The following TMED10 variants were observed in gnomAD, a reference collection of about 807,000 sequenced individuals.
TMED10 encodes transmembrane emp24 domain-containing protein 10.
In TMED10, 7 loss-of-function variants were observed where a neutral mutation model predicts 23.1. The observed-to-expected ratio is 0.30, with a 90% CI of 0.17 to 0.57. TMED10 has a LOEUF of 0.57. TMED10 is among the 20% of genes least tolerant of loss of function. The probability of loss-of-function intolerance (pLI) is 0.91; values close to 1 mark genes in which losing one functional copy is unlikely to be tolerated. For missense variants in TMED10, 162 were observed against 274.8 expected (o/e 0.59, Z 2.90); for synonymous variants, 113 against 106.9 (o/e 1.06, Z -0.35).
intron 2 of TMED10, 124 bp from the exon 3 acceptor site, chr14:75,147,861 T>A: frequency 1.2e-6 from 1 of 835,782 alleles, no homozygotes. Context: ...CAGCCACAAC[T>A]CCTCCCCCTG....
At chr14:75,172,598 G>A (rs1896248326) in intron 1 of TMED10, among the ~76,000 whole-genome samples, 2 of 152,074 alleles carry the variant, frequency 1.3e-5, no homozygotes, top group Non-Finnish European at 1.5e-5. Context: ...ATGAGCCACC[G>A]CGCCTGGCCA....
At chr14:75,139,602 C>T (rs567029588) in intron 3 of TMED10, among the ~76,000 whole-genome samples, 4 of 148,488 alleles carry the variant, frequency 2.7e-5, no homozygotes, top group African/African-American at 9.9e-5. Context: ...TGCCACTATA[C>T]TCCATCCTGG....
At chr14:75,150,164 T>C (rs1188443612) in intron 2 of TMED10, among the ~76,000 whole-genome samples, 1 of 152,078 alleles carries the variant, frequency 6.6e-6, no homozygotes, top group African/African-American at 2.4e-5. Flanking sequence ...GCAAGAGAAA[T>C]ATAAATAAGA....
chr14:75,136,684 A>C (rs987237892), intron 3 of TMED10: 2 of 152,256 alleles, frequency 1.3e-5, no homozygotes, highest in Non-Finnish European at 2.9e-5. Context: ...TCTGGTTCAT[A>C]TAAATCCTAC....
At chr14:75,164,544 TATATATATATATATATATATATATATATA>T (rs1566675067) in intron 1 of TMED10, among the ~76,000 whole-genome samples, 7 of 6,522 alleles carry the variant, frequency 1.1e-3, no homozygotes, top group African/African-American at 3.5e-3. Context: ...TATATATATA[TATATATATATATATATATATATATATATA>T]TATATTTTTT....
In TMED10 at chr14:75,164,577, A is replaced by ATTTT. The variant is rs60845992; in HGVS notation, c.225+11774_225+11777dup. 1.1e-3 allele frequency among the ~76,000 whole-genome samples: 51 copies of ATTTT among 45,060 alleles called. 1 individual carries two copies. The highest frequency in any genetic ancestry group is 6.1e-3 in the African/African-American group (28 of 4,582). The allele number at this position is 45,060 out of a possible 152,430, so 29.6% of individuals were successfully genotyped here. A position where few individuals can be genotyped will look rare whatever the true frequency, so the allele number is the denominator to read the frequency against. ...TATATATATATATATATATATATAT[A>ATTTT]TTTTTTTTTTTTTTTTTGTATTTTT... On this transcript the variant is annotated intron_variant, in intron 1 of 4. Coordinates refer to ENST00000303575, the MANE Select transcript of TMED10 (RefSeq NM_006827.6).
At chr14:75,164,565 ATATATATATATATTT>A (rs1337755922) in intron 1 of TMED10, among the ~76,000 whole-genome samples, 100 of 2,294 alleles carry the variant, frequency 0.044, no homozygotes, top group Middle Eastern at 0.12. Flanking sequence ...ATATATATAT[ATATATATATATATTT>A]TTTTTTTTTT....
At chr14:75,173,555 T>A (rs79676459) in intron 1 of TMED10, among the ~76,000 whole-genome samples, 296 of 152,242 alleles carry the variant, frequency 1.9e-3, no homozygotes, top group African/African-American at 6.1e-3. Context: ...CTTTTTTTTT[T>A]AAAATACCTG....
chr14:75,160,131 G>A (rs1038886630), intron 1 of TMED10, among the ~76,000 whole-genome samples: 1 of 152,098 alleles, frequency 6.6e-6, no homozygotes, highest in Non-Finnish European at 1.5e-5. Context: ...CTTTCAGGTG[G>A]GGCTCACTCA....
chr14:75,138,677 A>T (rs1895782839), intron 3 of TMED10, among the ~76,000 whole-genome samples: 1 of 152,164 alleles, frequency 6.6e-6, no homozygotes, highest in Admixed American at 6.5e-5. Context: ...TCTTAGAGAT[A>T]AATTATTTAA....
At chr14:75,143,999 A>G (rs1895853580) in intron 3 of TMED10, among the ~76,000 whole-genome samples, 1 of 151,550 alleles carries the variant, frequency 6.6e-6, no homozygotes, top group South Asian at 2.1e-4. Context: ...TCCTGAGAGC[A>G]CTCAGAGAAA....
intron 1 of TMED10, among the ~76,000 whole-genome samples, chr14:75,160,365 G>C (rs1440802448): frequency 6.6e-6 from 1 of 152,106 alleles, no homozygotes; most frequent in South Asian, 2.1e-4. Context: ...TGACTAACCA[G>C]AGCCAGCAAA....
chr14:75,172,543 C>T lies in TMED10; in HGVS notation c.225+3812G>A, dbSNP rs375337096. ...CAGGCTGGTCTCGAACTCCTGACCTCGTGATTCGCCCACCTCGGCCTCCCA... is the reference window on the plus strand; with the variant it reads ...CAGGCTGGTCTCGAACTCCTGACCTTGTGATTCGCCCACCTCGGCCTCCCA... On this transcript the variant is annotated intron_variant, in intron 1 of 4. Coordinates refer to ENST00000303575, the MANE Select transcript of TMED10 (RefSeq NM_006827.6). Among the ~76,000 whole-genome samples the T allele has an allele frequency of 1.7e-3, 266 of 152,092 alleles. 6 individuals carry two copies. The South Asian group carries it at 0.048, about 27-fold the overall frequency.
At chr14:75,139,995 G>A (rs1895802104) in intron 3 of TMED10, among the ~76,000 whole-genome samples, 1 of 152,030 alleles carries the variant, frequency 6.6e-6, no homozygotes, top group Admixed American at 6.6e-5. Flanking sequence ...AAATCTGACG[G>A]ACTTAACAAT....
At position 75,153,777 on chromosome 14, in the gene TMED10, C is replaced by CTTTTTTTT. The variant is rs59328978; in HGVS notation, c.226-1642_226-1635dup. Among the ~76,000 whole-genome samples, 265 of 131,760 alleles carry CTTTTTTTT rather than the reference C, an allele frequency of 2.0e-3. 9 individuals carry two copies. The highest frequency in any genetic ancestry group is 4.6e-3 in the African/African-American group (168 of 36,294). The allele number at this position is 131,760 out of a possible 152,430, so 86.4% of individuals were successfully genotyped here. A position where few individuals can be genotyped will look rare whatever the true frequency, so the allele number is the denominator to read the frequency against. ...GGTGAGACTTTCTATTTTTTTTTCC[C>CTTTTTTTT]TTTTTTTTTTTGAAATGGAGTCTCA... On this transcript the variant is annotated intron_variant, in intron 1 of 4. Coordinates refer to ENST00000303575, the MANE Select transcript of TMED10 (RefSeq NM_006827.6).
chr14:75,139,975 C>T (rs1895801730), intron 3 of TMED10, among the ~76,000 whole-genome samples: 1 of 152,096 alleles, frequency 6.6e-6, no homozygotes, highest in Non-Finnish European at 1.5e-5. Flanking sequence ...AAGATCTTTT[C>T]AAACCACCAA....
At position 75,132,332 on chromosome 14, in the gene TMED10, G is replaced by A. The variant is rs1183713011; in HGVS notation, c.*2553C>T. 6.7e-6 allele frequency: 1 copy of A among 148,390 alleles called. No homozygotes were observed. Among genetic ancestry groups the A allele is most frequent in the Non-Finnish European group, 1.5e-5 (1 of 67,520 alleles). The allele number at this position is 148,390 out of a possible 1,614,324, so 9.2% of individuals were successfully genotyped here. ...GAACCCAGGAGGTGAAGGTTGCAGCGAGCTGAGATAGTGCCATTGCACTCC... is the reference window on the plus strand; with the variant it reads ...GAACCCAGGAGGTGAAGGTTGCAGCAAGCTGAGATAGTGCCATTGCACTCC... On this transcript the variant is annotated 3_prime_UTR_variant, in exon 5 of 5. Coordinates refer to ENST00000303575, the MANE Select transcript of TMED10 (RefSeq NM_006827.6).
At chr14:75,164,554 TATATATATATATATATA>T (rs1362639250) in intron 1 of TMED10, among the ~76,000 whole-genome samples, 4 of 2,206 alleles carry the variant, frequency 1.8e-3, no homozygotes, top group African/African-American at 3.3e-3. Flanking sequence ...TATATATATA[TATATATATATATATATA>T]TATATATTTT....
chr14:75,176,306 C>A, intron 1 of TMED10, 49 bp downstream of exon 1: 3 of 1,608,186 alleles, frequency 1.9e-6, no homozygotes, highest in Non-Finnish European at 2.5e-6. Context: ...CCTCCCCTCG[C>A]CTAAGCCTGC....
Sources: gnomAD v4.1 joint callset for allele counts (sites outside exome capture counted in the v4.1 genomes callset) on GRCh38, gnomAD v4.1.1 for gene constraint, MANE v1.5 for transcripts, NCBI Gene and HGNC (gene_info 2026-07-23, HGNC 2026-07-21) for gene names.